Variants in TANC2 observed in about 807,000 individuals in gnomAD.
TANC2 encodes the protein protein TANC2.
Under a neutral mutation model 210.5 loss-of-function variants are expected in TANC2, and 26 were observed. The observed-to-expected ratio is 0.12, with a 90% CI of 0.09 to 0.17. The LOEUF is 0.17. TANC2 is among the 10% of genes least tolerant of loss of function. The pLI is 1.00. For synonymous variants in TANC2, 931 were observed against 967.1 expected (o/e 0.96, Z 0.69); for missense variants, 2,129 against 2,608.9 (o/e 0.82, Z 4.01).
At chr17:63,073,262 AT>A (rs1426573517) in intron 2 of TANC2, among the ~76,000 whole-genome samples, 1 of 151,932 alleles carries the variant, frequency 6.6e-6, no homozygotes, top group African/African-American at 2.4e-5. Flanking sequence ...ATGATGCATA[AT>A]TTTTCTGTTT....
At chr17:63,222,968 T>C (rs953184953) in intron 7 of TANC2, among the ~76,000 whole-genome samples, 1 of 152,184 alleles carries the variant, frequency 6.6e-6, no homozygotes, top group East Asian at 1.9e-4. Flanking sequence ...TATGACACAC[T>C]GATACATGCT....
chr17:63,097,577 CAA>C (rs200326011), intron 3 of TANC2, among the ~76,000 whole-genome samples: 86 of 122,098 alleles, frequency 7.0e-4, no homozygotes, highest in Middle Eastern at 4.1e-3. Context: ...TAAAAAATTG[CAA>C]AAAAAAAAAA....
chr17:62,999,662 A>G (rs2033281520), intron 1 of TANC2, among the ~76,000 whole-genome samples: 1 of 151,956 alleles, frequency 6.6e-6, no homozygotes. Context: ...TATTAGCATC[A>G]ATGTGTTTTA....
chr17:63,076,403 GA>G (rs536704664), intron 3 of TANC2, among the ~76,000 whole-genome samples: 1 of 150,218 alleles, frequency 6.7e-6, no homozygotes, highest in African/African-American at 2.4e-5. Flanking sequence ...CAGGAGGTTG[GA>G]AAAAAAAAGT....
chr17:63,273,815 T>C (rs886380216), intron 9 of TANC2, among the ~76,000 whole-genome samples: 1 of 152,216 alleles, frequency 6.6e-6, no homozygotes, highest in Non-Finnish European at 1.5e-5. Flanking sequence ...TAGGAAGTTT[T>C]CAGAAATGCA....
chr17:63,340,187 C>T (rs749735573), exon 12 of TANC2: 14 of 1,613,836 alleles, frequency 8.7e-6, no homozygotes, highest in Non-Finnish European at 1.1e-5. Context: ...CCTTGCTCTG[C>T]CGCTCACCTC....
intron 7 of TANC2, among the ~76,000 whole-genome samples, chr17:63,203,321 A>G (rs2041596323): frequency 6.6e-6 from 1 of 152,202 alleles, no homozygotes; most frequent in African/African-American, 2.4e-5. Context: ...GGCTACTTAC[A>G]GTCTTTATCC....
chr17:63,311,766 A>G (rs1466405072), intron 9 of TANC2, among the ~76,000 whole-genome samples: 2 of 152,374 alleles, frequency 1.3e-5, no homozygotes, highest in African/African-American at 2.4e-5. Context: ...AATATGGTAT[A>G]TCCATACAAT....
chr17:63,273,042 G>C (rs1265271883), intron 9 of TANC2, among the ~76,000 whole-genome samples: 1 of 152,102 alleles, frequency 6.6e-6, no homozygotes, highest in Non-Finnish European at 1.5e-5. Flanking sequence ...CACCTTAGAA[G>C]GCCAAGGTGG....
intron 12 of TANC2, among the ~76,000 whole-genome samples, chr17:63,349,186 C>T (rs12937753): frequency 6.6e-6 from 1 of 151,900 alleles, no homozygotes; most frequent in Non-Finnish European, 1.5e-5. Context: ...GCAAGTACCC[C>T]CTTTTAAAAA....
chr17:63,008,149 T>C lies in TANC2; in HGVS notation c.-23-1388T>C, dbSNP rs185770611. ...TCTTTAGTTTTTAGCAGTTTGGCTA[T>C]GATTTGCTCAGTGTTTTTCTTTGTG... On this transcript the variant is annotated intron_variant, in intron 1 of 27. Transcript: ENST00000689528. 1.6e-4 allele frequency among the ~76,000 whole-genome samples: 25 copies of C among 152,278 alleles called. No individual in the cohort carries two copies. The East Asian group carries it at 4.8e-3, about 29-fold the overall frequency.
At chr17:63,233,201 T>G (rs932389130) in intron 7 of TANC2, among the ~76,000 whole-genome samples, 15 of 152,140 alleles carry the variant, frequency 9.9e-5, no homozygotes, top group African/African-American at 3.6e-4. Context: ...GCCACAGTCA[T>G]GATGGCCACC....
At chr17:63,145,371 A>G (rs2039430919) in intron 4 of TANC2, among the ~76,000 whole-genome samples, 1 of 152,140 alleles carries the variant, frequency 6.6e-6, no homozygotes, top group Non-Finnish European at 1.5e-5. Context: ...TTTCTAGTAA[A>G]TGTTTAGGAA....
intron 14 of TANC2, among the ~76,000 whole-genome samples, chr17:63,371,118 T>C (rs1357623370): frequency 6.6e-6 from 1 of 152,230 alleles, no homozygotes; most frequent in Non-Finnish European, 1.5e-5. Flanking sequence ...AGAATTTTCT[T>C]GCCAGCTAGC....
chr17:63,052,088 G>T (rs778530570), intron 2 of TANC2, among the ~76,000 whole-genome samples: 1 of 152,134 alleles, frequency 6.6e-6, no homozygotes, highest in Admixed American at 6.5e-5. Context: ...GAAAGTCTAT[G>T]TAGGAAGAGG....
chr17:63,234,847 G>T (rs1012030658), intron 7 of TANC2, among the ~76,000 whole-genome samples: 1 of 152,062 alleles, frequency 6.6e-6, no homozygotes, highest in Non-Finnish European at 1.5e-5. Context: ...CTGCACATTG[G>T]TTTGGTTTCC....
intron 2 of TANC2, among the ~76,000 whole-genome samples, chr17:63,034,725 G>T (rs2034904872): frequency 6.6e-6 from 1 of 152,152 alleles, no homozygotes; most frequent in African/African-American, 2.4e-5. Flanking sequence ...CTTCATTGGA[G>T]GAAGTAACTG....
At chr17:63,378,784 G>A (rs1293787774) in intron 14 of TANC2, among the ~76,000 whole-genome samples, 1 of 152,182 alleles carries the variant, frequency 6.6e-6, no homozygotes, top group African/African-American at 2.4e-5. Context: ...TACACTGGTA[G>A]CCATAGAAAG....
chr17:63,169,391 C>T (rs1190187603), intron 5 of TANC2, among the ~76,000 whole-genome samples: 1 of 152,160 alleles, frequency 6.6e-6, no homozygotes, highest in Non-Finnish European at 1.5e-5. Context: ...TCCAGCTGAT[C>T]AGTCATTTCT....
Sources: allele counts gnomAD v4.1 joint callset (sites outside exome capture counted in the v4.1 genomes callset), GRCh38; gene constraint gnomAD v4.1.1; transcripts MANE v1.5; gene names NCBI Gene and HGNC (gene_info 2026-07-23, HGNC 2026-07-21).